Variants in DCLRE1C observed in about 807,000 individuals in gnomAD.
DCLRE1C encodes DNA cross-link repair 1C.
Under a neutral mutation model 61.4 loss-of-function variants are expected in DCLRE1C, and 47 were observed. The ratio of observed to expected loss-of-function variants is 0.77; its 90% CI spans 0.61 to 0.98. The LOEUF is 0.98. Ranked by LOEUF, DCLRE1C falls within the 50% of genes least tolerant of loss-of-function variation. DCLRE1C has a pLI of 0.00. For synonymous variants in DCLRE1C, 337 were observed against 287.6 expected (o/e 1.17, Z -1.74); for missense variants, 858 against 816.0 (o/e 1.05, Z -0.63).
At chr10:14,935,808 C>T (rs1419363916) in intron 5 of DCLRE1C, among the ~76,000 whole-genome samples, 3 of 152,182 alleles carry the variant, frequency 2.0e-5, no homozygotes, top group Non-Finnish European at 4.4e-5. Flanking sequence ...TATGTTAGCA[C>T]TTTCAATTAT....
intron 13 of DCLRE1C, among the ~76,000 whole-genome samples, chr10:14,913,209 C>T (rs1048249024): frequency 6.6e-6 from 1 of 152,226 alleles, no homozygotes; most frequent in South Asian, 2.1e-4. Flanking sequence ...TAGAGACAAA[C>T]CATAGATTAG....
chr10:14,926,722 A>G, intron 11 of DCLRE1C, 121 bp downstream of exon 11: 1 of 794,934 alleles, frequency 1.3e-6, no homozygotes, highest in South Asian at 1.6e-5. Context: ...AAAAAAAACT[A>G]AAAGGAAATG....
rs1838530088 is a variant in DCLRE1C, at chr10:14,929,114, A to G, written c.781-962T>C. Among the ~76,000 whole-genome samples the G allele has an allele frequency of 3.3e-5, 5 of 152,270 alleles. No homozygotes were observed. In the South Asian group the frequency reaches 1.0e-3, roughly 31 times the overall value. On this transcript the variant is annotated intron_variant, in intron 9 of 13. Coordinates refer to ENST00000378278, the MANE Select transcript of DCLRE1C (RefSeq NM_001033855.3). ...AGTCTTACAACTTTACTGTTTAAGA[A>G]GTTTTCAGGGCCGGTTGTGGTGGCT...
At chr10:14,941,432 ACT>A (rs1214847087) in intron 3 of DCLRE1C, among the ~76,000 whole-genome samples, 3 of 152,018 alleles carry the variant, frequency 2.0e-5, no homozygotes, top group African/African-American at 7.2e-5. Flanking sequence ...CTACAGGCAC[ACT>A]CTACTATACC....
intron 8 of DCLRE1C, among the ~76,000 whole-genome samples, chr10:14,933,885 A>C (rs1564436604): frequency 6.6e-6 from 1 of 152,212 alleles, no homozygotes; most frequent in Non-Finnish European, 1.5e-5. Context: ...ATGTGACTGA[A>C]CTAAGATGAT....
At chr10:14,903,555 A>T (rs1834160743), downstream of DCLRE1C, 1 of 152,050 alleles carries the variant, frequency 6.6e-6, no homozygotes, top group Non-Finnish European at 1.5e-5. Context: ...TTATACATAA[A>T]TTTTTTTTAG....
intron 6 of DCLRE1C, 133 bp from the exon 7 acceptor site, chr10:14,934,908 C>T (rs1839650945): frequency 2.9e-6 from 2 of 697,848 alleles, no homozygotes; most frequent in East Asian, 5.6e-5. Context: ...CCACCTCCTC[C>T]ACCTCCCGGG....
intron 11 of DCLRE1C, among the ~76,000 whole-genome samples, chr10:14,925,163 A>C (rs1837748542): frequency 6.7e-6 from 1 of 149,270 alleles, no homozygotes; most frequent in African/African-American, 2.5e-5. Context: ...CCCAACACCG[A>C]TTTGATTTGC....
exon 14 of DCLRE1C, chr10:14,898,965 A>G (rs1235536511): frequency 2.2e-6 from 1 of 464,194 alleles, no homozygotes; most frequent in Non-Finnish European, 3.8e-6. Flanking sequence ...CTATAGTTGT[A>G]TAGCTTTTTG....
intron 13 of DCLRE1C, among the ~76,000 whole-genome samples, chr10:14,916,609 C>A (rs772874346): frequency 6.6e-6 from 1 of 152,144 alleles, no homozygotes; most frequent in Admixed American, 6.6e-5. Context: ...GACACTCAGC[C>A]TATATTTCTA....
intron 1 of DCLRE1C, among the ~76,000 whole-genome samples, chr10:14,952,742 A>C (rs978765051): frequency 1.3e-5 from 2 of 152,186 alleles, no homozygotes; most frequent in Non-Finnish European, 2.9e-5. Context: ...AGATGCTCAA[A>C]GACGTGCACG....
chr10:14,926,409 C>A (rs536394032), intron 11 of DCLRE1C, among the ~76,000 whole-genome samples: 1 of 152,150 alleles, frequency 6.6e-6, no homozygotes, highest in African/African-American at 2.4e-5. Context: ...TAACCCAGCA[C>A]TTTGGGAGGC....
At chr10:14,900,362 A>G (rs1833915957), downstream of DCLRE1C, among the ~76,000 whole-genome samples, 1 of 152,214 alleles carries the variant, frequency 6.6e-6, no homozygotes, top group Non-Finnish European at 1.5e-5. Flanking sequence ...TTTTGTGGAT[A>G]ATAAGGACAG....
chr10:14,912,098 A>T (rs1835353787), intron 13 of DCLRE1C, among the ~76,000 whole-genome samples: 1 of 152,262 alleles, frequency 6.6e-6, no homozygotes, highest in Non-Finnish European at 1.5e-5. Flanking sequence ...GAAGCCCTAA[A>T]GCCAGTGTGG....
chr10:14,919,884 G>T, intron 12 of DCLRE1C, 52 bp from the exon 13 acceptor site: 1 of 1,421,880 alleles, frequency 7.0e-7, no homozygotes. Context: ...TTGTTAGAAG[G>T]TAGACATCAT....
At chr10:14,897,434 C>A in exon 14 of DCLRE1C, 6 of 1,612,630 alleles carry the variant, frequency 3.7e-6, no homozygotes, top group Non-Finnish European at 5.1e-6. Flanking sequence ...TTGCATCTTT[C>A]GAACTAGCAA....
rs561094900 is a variant in DCLRE1C, at chr10:14,905,463, C to T, written c.*2945G>A. Among the ~76,000 whole-genome samples the T allele has an allele frequency of 6.6e-6, 1 of 152,210 alleles. No homozygotes were observed. The highest frequency in any genetic ancestry group is 1.5e-5 in the Non-Finnish European group (1 of 68,046). ...GCCTTTTATATGTATTCATGTGCTT[C>T]TAATGAACCTGTCAGGTTGGTGTAA... On this transcript the variant is annotated 3_prime_UTR_variant, in exon 14 of 14. Transcript: ENST00000378278.
downstream of DCLRE1C, among the ~76,000 whole-genome samples, chr10:14,899,922 T>G (rs1833879332): frequency 6.6e-6 from 1 of 152,210 alleles, no homozygotes; most frequent in Non-Finnish European, 1.5e-5. Flanking sequence ...TTTACATATG[T>G]TACTTCATTT....
chr10:14,928,286 A>C, intron 9 of DCLRE1C, 134 bp from the exon 10 acceptor site: 1 of 759,130 alleles, frequency 1.3e-6, no homozygotes, highest in Non-Finnish European at 2.1e-6. Context: ...CAGCAAAACA[A>C]TGTAGACATG....
Sources: gnomAD v4.1 joint callset for allele counts (sites outside exome capture counted in the v4.1 genomes callset) on GRCh38, gnomAD v4.1.1 for gene constraint, MANE v1.5 for transcripts, NCBI Gene and HGNC (gene_info 2026-07-23, HGNC 2026-07-21) for gene names.